The following WDR45B variants were observed in gnomAD, a reference collection of about 807,000 sequenced individuals.
WDR45B encodes WD repeat domain phosphoinositide-interacting protein 3.
Under a neutral mutation model 44.6 loss-of-function variants are expected in WDR45B, and 20 were observed. The observed-to-expected ratio is 0.45, with a 90% CI of 0.32 to 0.65. The LOEUF (loss-of-function observed/expected upper bound fraction) is 0.65. Ranked by LOEUF, WDR45B falls within the 30% of genes least tolerant of loss-of-function variation. The pLI is 0.05. For missense variants in WDR45B, 323 were observed against 430.2 expected (o/e 0.75, Z 2.20); for synonymous variants, 169 against 164.9 (o/e 1.02, Z -0.19).
chr17:82,628,165 G>C (rs1018238354), intron 3 of WDR45B, among the ~76,000 whole-genome samples: 5 of 152,126 alleles, frequency 3.3e-5, no homozygotes, highest in Non-Finnish European at 7.3e-5. Context: ...GCTAAGTTTT[G>C]TATTTTTGGT....
intron 2 of WDR45B, among the ~76,000 whole-genome samples, chr17:82,635,913 C>T (rs2045826544): frequency 6.6e-6 from 1 of 151,668 alleles, no homozygotes; most frequent in Non-Finnish European, 1.5e-5. Context: ...CATGGAAAAC[C>T]CCCGTCTCTA....
chr17:82,622,176 G>A (rs1009776738), intron 5 of WDR45B, among the ~76,000 whole-genome samples: 2 of 152,020 alleles, frequency 1.3e-5, no homozygotes, highest in East Asian at 1.9e-4. Flanking sequence ...CAGCAACAGC[G>A]TAAAAATATT....
chr17:82,648,174 G>A (rs1050061042), intron 1 of WDR45B, 100 bp downstream of exon 1: 15 of 1,372,448 alleles, frequency 1.1e-5, no homozygotes, highest in Non-Finnish European at 1.5e-5. Context: ...CGGGTGGAAG[G>A]CCTGGCCGGA....
rs569560123 is a variant in WDR45B, at chr17:82,620,624, G to A, written c.618+985C>T. ...ACCTCAGTGCACTGTGCCCACAAAC[G>A]GATACCATCACCGGCTTGCGGTCTC... On this transcript the variant is annotated intron_variant, in intron 6 of 9. Coordinates refer to ENST00000392325, the MANE Select transcript of WDR45B (RefSeq NM_019613.4). 3.9e-5 allele frequency among the ~76,000 whole-genome samples: 6 copies of A among 152,202 alleles called. No homozygotes were observed. The East Asian group carries it at 9.7e-4, about 25-fold the overall frequency.
At position 82,631,914 on chromosome 17, in the gene WDR45B, C is replaced by T. The variant is rs530878109; in HGVS notation, c.143-892G>A. Among the ~76,000 whole-genome samples the T allele has an allele frequency of 4.6e-5, 7 of 151,854 alleles. No individual in the cohort carries two copies. The South Asian group carries it at 1.5e-3, about 32-fold the overall frequency. ...CTGGGCCAACATGGTGAAACGCTGTCTTTACTACAAATACAAAAATTAGCC... is the reference window on the plus strand; with the variant it reads ...CTGGGCCAACATGGTGAAACGCTGTTTTTACTACAAATACAAAAATTAGCC... On this transcript the variant is annotated intron_variant, in intron 2 of 9. Coordinates refer to ENST00000392325, the MANE Select transcript of WDR45B (RefSeq NM_019613.4).
intron 2 of WDR45B, among the ~76,000 whole-genome samples, chr17:82,640,628 C>G (rs1385919152): frequency 6.6e-6 from 1 of 152,140 alleles, no homozygotes; most frequent in East Asian, 1.9e-4. Flanking sequence ...GGATTAGAGG[C>G]CTGGCCTGCT....
intron 6 of WDR45B, among the ~76,000 whole-genome samples, chr17:82,619,569 A>T (rs1021180858): frequency 9.2e-5 from 14 of 151,838 alleles, no homozygotes; most frequent in Non-Finnish European, 1.9e-4. Flanking sequence ...GGCAAAAAAA[A>T]AAAAATAAAA....
chr17:82,648,030 G>C (rs956788302), intron 1 of WDR45B, among the ~76,000 whole-genome samples: 2 of 146,402 alleles, frequency 1.4e-5, no homozygotes, highest in African/African-American at 2.5e-5. Flanking sequence ...CACAACCCGG[G>C]GGGTGGGGGA....
chr17:82,640,877 C>T (rs1203727747), intron 2 of WDR45B, among the ~76,000 whole-genome samples: 1 of 151,974 alleles, frequency 6.6e-6, no homozygotes, highest in Non-Finnish European at 1.5e-5. Context: ...AGCTGGCAGA[C>T]GCACAAGACC....
intron 8 of WDR45B, 107 bp downstream of exon 8, chr17:82,617,189 C>G (rs1031341139): frequency 2.1e-6 from 2 of 967,796 alleles, no homozygotes; most frequent in African/African-American, 3.2e-5. Flanking sequence ...CATATGAGGT[C>G]TGTCCACACC....
chr17:82,631,343 G>A (rs999748605), intron 2 of WDR45B, among the ~76,000 whole-genome samples: 3 of 137,778 alleles, frequency 2.2e-5, no homozygotes, highest in Non-Finnish European at 3.0e-5. Flanking sequence ...GAGTGCAGTC[G>A]CGCGATCTCG....
chr17:82,631,473 T>C (rs201902486), intron 2 of WDR45B, among the ~76,000 whole-genome samples: 2 of 148,484 alleles, frequency 1.3e-5, no homozygotes, highest in African/African-American at 2.5e-5. Flanking sequence ...TTAGTAGAGA[T>C]GGGGTTTCAC....
At chr17:82,646,940 T>C (rs2045985698) in intron 1 of WDR45B, among the ~76,000 whole-genome samples, 1 of 152,000 alleles carries the variant, frequency 6.6e-6, no homozygotes, top group Non-Finnish European at 1.5e-5. Context: ...CTTTCAAATA[T>C]GTGTAATCCG....
rs889899303 is a variant in WDR45B at position 82,644,244 on chromosome 17, G to A, written c.68-221C>T. The stretch of plus-strand genomic sequence containing the variant: ...TGTCCTTTAGCAAAGGAGTCTTGGA[G>A]TTGTTCACACAACTTCCCCACTGCA... On this transcript the variant is annotated intron_variant, in intron 1 of 9. Coordinates refer to ENST00000392325, the MANE Select transcript of WDR45B (RefSeq NM_019613.4). The A allele has an allele frequency of 1.5e-5, 9 of 589,790 alleles. No homozygotes were observed. The African/African-American group carries it at 1.7e-4, about 11-fold the overall frequency. The allele number at this position is 589,790 out of a possible 1,614,324, so 36.5% of individuals were successfully genotyped here. A position where few individuals can be genotyped will look rare whatever the true frequency, so the allele number is the denominator to read the frequency against.
chr17:82,646,488 C>CAAAAAAAAAAAAAAAAAAA (rs779661551), intron 1 of WDR45B, among the ~76,000 whole-genome samples: 5 of 19,940 alleles, frequency 2.5e-4, no homozygotes, highest in Admixed American at 7.0e-4. Context: ...AACTCCGTCT[C>CAAAAAAAAAAAAAAAAAAA]AAAAAAAAAA....
At chr17:82,618,904 CT>C in intron 7 of WDR45B, 138 bp downstream of exon 7, 2 of 757,714 alleles carry the variant, frequency 2.6e-6, no homozygotes, top group South Asian at 2.9e-5. Context: ...ACCCAACCCC[CT>C]AGCAGCCCAA....
intron 4 of WDR45B, 140 bp from the exon 5 acceptor site, chr17:82,625,623 G>A (rs2045685659): frequency 1.1e-6 from 1 of 898,758 alleles, no homozygotes; most frequent in Non-Finnish European, 1.7e-6. Flanking sequence ...AAAAAGCTCT[G>A]GAGGCAGGTA....
At chr17:82,629,623 C>CTGTTCCTAATTCCAAAACAAAAATAAA in intron 3 of WDR45B, 1 of 985,548 alleles carries the variant, frequency 1.0e-6, no homozygotes, top group Non-Finnish European at 1.2e-6. Context: ...TTTCATTTCT[C>CTGTTCCTAATTCCAAAACAAAAATAAA]TGTTCCTAAT....
At chr17:82,616,704 G>GT (rs1568000010) in intron 8 of WDR45B, 59 bp from the exon 9 acceptor site, 1 of 1,608,200 alleles carries the variant, frequency 6.2e-7, no homozygotes, top group African/African-American at 1.3e-5. Context: ...AATCACCTGC[G>GT]TAAGCTCAGA....
Sources: gnomAD v4.1 joint callset for allele counts (sites outside exome capture counted in the v4.1 genomes callset) on GRCh38, gnomAD v4.1.1 for gene constraint, MANE v1.5 for transcripts, NCBI Gene and HGNC (gene_info 2026-07-23, HGNC 2026-07-21) for gene names.